The following FAM135B variants were observed in gnomAD, a reference collection of about 807,000 sequenced individuals.
FAM135B encodes family with sequence similarity 135 member B.
Under a neutral mutation model 127.7 loss-of-function variants are expected in FAM135B, and 43 were observed. That is an observed-to-expected ratio of 0.34 (90% CI 0.26 to 0.43). FAM135B has a LOEUF of 0.43. Among genes scored for constraint, FAM135B ranks in the 20% least tolerant of loss-of-function variants. The pLI, the probability that FAM135B is intolerant of heterozygous loss-of-function variation, is 1.00. For synonymous variants in FAM135B, 670 were observed against 665.1 expected (o/e 1.01, Z -0.11); for missense variants, 1,558 against 1,725.6 (o/e 0.90, Z 1.72).
At chr8:138,197,464 G>A (rs1199665756) in intron 8 of FAM135B, 52 bp downstream of exon 8, 3 of 1,583,018 alleles carry the variant, frequency 1.9e-6, no homozygotes, top group African/African-American at 1.3e-5. Context: ...CCCTTGTGTG[G>A]AGGAGGCACA....
At chr8:138,181,836 G>C (rs910697500) in intron 9 of FAM135B, among the ~76,000 whole-genome samples, 1 of 152,052 alleles carries the variant, frequency 6.6e-6, no homozygotes, top group African/African-American at 2.4e-5. Context: ...ACGTCTACTT[G>C]ACCTGCACGG....
chr8:138,152,450 G>T lies in FAM135B; in HGVS notation c.2025C>A (p.Val675=), dbSNP rs1818256420. 1 of 1,614,178 alleles carries T rather than the reference G, an allele frequency of 6.2e-7. No homozygotes were observed. The highest frequency in any genetic ancestry group is 8.5e-7 in the Non-Finnish European group (1 of 1,180,044). The change falls in exon 13 of 20, where the codon GTC becomes GTA. Residue 675 remains valine, a synonymous_variant. Coordinates refer to ENST00000395297, the MANE Select transcript of FAM135B (RefSeq NM_015912.4). ...ATATGATGGATGAAGATCTCTTGAT[G>T]ACCCCGGATAGCACTGAGAGTTCCT... The part of the protein sequence containing the change: ...EQEELSVLSG[V]IKRSSSIISD...
intron 2 of FAM135B, among the ~76,000 whole-genome samples, chr8:138,359,110 A>C (rs891807855): frequency 2.6e-5 from 4 of 152,206 alleles, no homozygotes; most frequent in Non-Finnish European, 5.9e-5. Context: ...TCATCTACAT[A>C]AGCACTTGGG....
chr8:138,201,213 T>C (rs1013441498), intron 7 of FAM135B, among the ~76,000 whole-genome samples: 10 of 152,222 alleles, frequency 6.6e-5, no homozygotes, highest in Non-Finnish European at 1.2e-4. Flanking sequence ...TACCTGCCAC[T>C]GTCTCACCAC....
Position 138,426,022 on chromosome 8 carries a change from T to C in FAM135B, c.-19-58020A>G, listed in dbSNP as rs7819959. On this transcript the variant is annotated intron_variant, in intron 1 of 19. Coordinates refer to ENST00000395297, the MANE Select transcript of FAM135B (RefSeq NM_015912.4). Reference sequence around the variant, plus strand: ...ATATATATATATATATACACACACATACATATACACACACACACACACACA... The same window carrying C: ...ATATATATATATATATACACACACACACATATACACACACACACACACACA... Among the ~76,000 whole-genome samples, 162 of 18,296 alleles carry C rather than the reference T, an allele frequency of 8.9e-3. 16 individuals are homozygous for C. The highest frequency in any genetic ancestry group is 0.035 in the East Asian group (33 of 934). 12.0% of individuals were successfully genotyped at this position (18,296 alleles called of 152,430 possible).
chr8:138,287,445 T>C (rs1262663841), intron 3 of FAM135B, among the ~76,000 whole-genome samples: 2 of 140,514 alleles, frequency 1.4e-5, no homozygotes, highest in Non-Finnish European at 3.1e-5. Context: ...TTTGGAAGTC[T>C]TTTTTTTTTT....
chr8:138,173,576 A>G lies in FAM135B; in HGVS notation c.1103+3771T>C, dbSNP rs1048455506. Among the ~76,000 whole-genome samples, 3 of 152,218 alleles carry G rather than the reference A, an allele frequency of 2.0e-5. No homozygotes were observed. In the South Asian group the frequency reaches 6.2e-4, roughly 31 times the overall value. ...ATGTGAACATTAAACGAGCCAAAGC[A>G]TGTAACGCACTCAGTTTCTGATCAG... is the stretch of plus-strand genomic sequence containing the variant. On this transcript the variant is annotated intron_variant, in intron 11 of 19. Coordinates refer to ENST00000395297, the MANE Select transcript of FAM135B (RefSeq NM_015912.4).
At chr8:138,296,062 A>T (rs1387440482) in intron 3 of FAM135B, among the ~76,000 whole-genome samples, 1 of 152,124 alleles carries the variant, frequency 6.6e-6, no homozygotes, top group Non-Finnish European at 1.5e-5. Flanking sequence ...GCTGCTAATG[A>T]ATGCTTTTTA....
chr8:138,406,054 TG>T (rs71316340), intron 1 of FAM135B, among the ~76,000 whole-genome samples: 146,710 of 146,714 alleles, frequency 1, 73,353 homozygotes, highest in Non-Finnish European at 1. Flanking sequence ...TACTTTTTGA[TG>T]GGGGTTGTTT....
chr8:138,173,796 A>G lies in FAM135B; in HGVS notation c.1103+3551T>C, dbSNP rs1304941347. On this transcript the variant is annotated intron_variant, in intron 11 of 19. Transcript: ENST00000395297. ...TTACTATTGTTATGAAAATGAATAC[A>G]TCGGTGTAGACCTTCTTTTCCATCA... 7.2e-5 allele frequency among the ~76,000 whole-genome samples: 11 copies of G among 152,216 alleles called. 1 individual carries two copies. The highest frequency in any genetic ancestry group is 7.2e-4 in the Admixed American group (11 of 15,288).
intron 7 of FAM135B, among the ~76,000 whole-genome samples, chr8:138,219,612 C>T (rs1818866328): frequency 6.6e-6 from 1 of 152,184 alleles, no homozygotes; most frequent in South Asian, 2.1e-4. Flanking sequence ...CTTCCTATTC[C>T]TCCACTAGTT....
chr8:138,253,841 G>T (rs946798370), intron 5 of FAM135B, among the ~76,000 whole-genome samples: 21 of 152,170 alleles, frequency 1.4e-4, no homozygotes, highest in African/African-American at 5.1e-4. Flanking sequence ...ATGTTTCAGA[G>T]CCTAATGTCC....
intron 7 of FAM135B, among the ~76,000 whole-genome samples, chr8:138,230,057 T>C (rs139349465): frequency 7.0e-4 from 106 of 152,270 alleles, no homozygotes; most frequent in Non-Finnish European, 1.3e-3. Context: ...TAAAATATTT[T>C]TCAGGGATGA....
At chr8:138,490,332 A>G (rs1815147132) in intron 1 of FAM135B, among the ~76,000 whole-genome samples, 1 of 152,226 alleles carries the variant, frequency 6.6e-6, no homozygotes, top group Non-Finnish European at 1.5e-5. Flanking sequence ...CTCAAGATCT[A>G]GACAAGAAAG....
At chr8:138,318,961 T>C (rs1002904523) in intron 2 of FAM135B, among the ~76,000 whole-genome samples, 1 of 152,204 alleles carries the variant, frequency 6.6e-6, no homozygotes, top group Non-Finnish European at 1.5e-5. Context: ...ATGTGCAAGA[T>C]ACTGTTTGAT....
At chr8:138,175,291 C>T (rs1472546297) in intron 11 of FAM135B, among the ~76,000 whole-genome samples, 2 of 144,950 alleles carry the variant, frequency 1.4e-5, no homozygotes, top group African/African-American at 5.0e-5. Context: ...CTCCTACTTT[C>T]TCATTCTATT....
chr8:138,362,606 C>T (rs1379720787), intron 2 of FAM135B, among the ~76,000 whole-genome samples: 1 of 152,102 alleles, frequency 6.6e-6, no homozygotes, highest in Admixed American at 6.5e-5. Context: ...TAGCTTGAGG[C>T]CTTGGTTTCT....
intron 12 of FAM135B, among the ~76,000 whole-genome samples, chr8:138,167,558 TAAGA>T (rs1004107893): frequency 9.2e-5 from 14 of 152,290 alleles, no homozygotes; most frequent in African/African-American, 2.6e-4. Flanking sequence ...ACATTTGAGA[TAAGA>T]AAGAATCTTC....
rs959330184 is a variant in FAM135B at position 138,217,435 on chromosome 8, T to A, written c.670-19766A>T. 5.4e-5 allele frequency among the ~76,000 whole-genome samples: 8 copies of A among 148,460 alleles called. No individual in the cohort carries two copies. The East Asian group carries it at 9.8e-4, about 18-fold the overall frequency. On this transcript the variant is annotated intron_variant, in intron 7 of 19. Coordinates refer to ENST00000395297, the MANE Select transcript of FAM135B (RefSeq NM_015912.4). ...TCATTTGTTCTCTGATATATTTCTT[T>A]TTTTTTTTTTTTTGAGATGGAGTCT...
Sources: gnomAD v4.1 joint callset for allele counts (sites outside exome capture counted in the v4.1 genomes callset) on GRCh38, gnomAD v4.1.1 for gene constraint, MANE v1.5 for transcripts, NCBI Gene and HGNC (gene_info 2026-07-23, HGNC 2026-07-21) for gene names.